Variants in GPC6 observed in about 807,000 individuals in gnomAD.
GPC6 encodes glypican-6.
A neutral mutation model predicts 55.2 loss-of-function variants in GPC6; 14 were observed. That is an observed-to-expected ratio of 0.25 (90% CI 0.17 to 0.40). GPC6 has a LOEUF of 0.40. Ranked by LOEUF, GPC6 falls within the 10% of genes least tolerant of loss-of-function variation. The pLI, the probability that GPC6 is intolerant of heterozygous loss-of-function variation, is 1.00. For missense variants in GPC6, 641 were observed against 708.5 expected, an observed-to-expected ratio of 0.90 and a Z score of 1.08; for synonymous variants, 278 against 259.6, an observed-to-expected ratio of 1.07 and a Z score of -0.68.
Position 93,436,027 on chromosome 13 carries a change from C to G in GPC6, c.161-109236C>G, listed in dbSNP as rs531346600. ...CCTGGAAGATCCTAGCCCATACGTTCTGCCATGATGTACATAGTGTTGCTT... is the reference window on the plus strand; with the variant it reads ...CCTGGAAGATCCTAGCCCATACGTTGTGCCATGATGTACATAGTGTTGCTT... On this transcript the variant is annotated intron_variant, in intron 1 of 8. Coordinates refer to ENST00000377047, the MANE Select transcript of GPC6 (RefSeq NM_005708.5). Among the ~76,000 whole-genome samples, 5 of 152,298 alleles carry G rather than the reference C, an allele frequency of 3.3e-5. No homozygotes were observed. The South Asian group carries it at 1.0e-3, about 32-fold the overall frequency.
intron 6 of GPC6, among the ~76,000 whole-genome samples, chr13:94,380,716 C>T (rs1373931506): frequency 6.6e-6 from 1 of 152,144 alleles, no homozygotes; most frequent in Non-Finnish European, 1.5e-5. Context: ...GGAAATTTAA[C>T]ACTACATAAT....
intron 2 of GPC6, among the ~76,000 whole-genome samples, chr13:93,549,382 G>GTT (rs1284523830): frequency 1.3e-5 from 2 of 152,200 alleles, no homozygotes; most frequent in African/African-American, 4.8e-5. Context: ...TGGCTACCAA[G>GTT]TAGCTCACGT....
chr13:94,372,873 G>C (rs1276494206), intron 6 of GPC6, among the ~76,000 whole-genome samples: 2 of 152,170 alleles, frequency 1.3e-5, no homozygotes, highest in Non-Finnish European at 2.9e-5. Context: ...ATCTGAGAAT[G>C]GGCAGACTGC....
At chr13:93,820,739 T>A (rs1887017453) in intron 2 of GPC6, among the ~76,000 whole-genome samples, 1 of 152,022 alleles carries the variant, frequency 6.6e-6, no homozygotes, top group African/African-American at 2.4e-5. Context: ...GTGAGATTTT[T>A]TTAAGTCTCC....
chr13:93,756,258 T>G (rs1262401994), intron 2 of GPC6, among the ~76,000 whole-genome samples: 1 of 152,122 alleles, frequency 6.6e-6, no homozygotes, highest in Admixed American at 6.6e-5. Flanking sequence ...TTCAGAATGT[T>G]TGGCACCCTG....
chr13:93,956,173 T>C (rs1879499213), intron 3 of GPC6, among the ~76,000 whole-genome samples: 1 of 152,038 alleles, frequency 6.6e-6, no homozygotes, highest in African/African-American at 2.4e-5. Flanking sequence ...CCCCACCCTT[T>C]TTCTTCTCTC....
At chr13:93,388,106 A>G (rs1431618404) in intron 1 of GPC6, among the ~76,000 whole-genome samples, 1 of 152,162 alleles carries the variant, frequency 6.6e-6, no homozygotes, top group East Asian at 1.9e-4. Context: ...TTTAGAGATG[A>G]TGAAACTGAA....
At chr13:94,056,694 G>A (rs1488871041) in intron 4 of GPC6, among the ~76,000 whole-genome samples, 1 of 152,110 alleles carries the variant, frequency 6.6e-6, no homozygotes, top group Non-Finnish European at 1.5e-5. Flanking sequence ...TTTAATTACT[G>A]AAAAATTCAG....
At chr13:93,489,880 G>T (rs1258729283) in intron 1 of GPC6, among the ~76,000 whole-genome samples, 3 of 151,504 alleles carry the variant, frequency 2.0e-5, no homozygotes, top group Non-Finnish European at 2.9e-5. Flanking sequence ...GAGATGATGG[G>T]GTTTTCTAAA....
At chr13:93,867,819 A>G (rs1426280503) in intron 3 of GPC6, among the ~76,000 whole-genome samples, 1 of 151,764 alleles carries the variant, frequency 6.6e-6, no homozygotes, top group African/African-American at 2.4e-5. Flanking sequence ...AGCTTAAATC[A>G]TCAACATTTC....
chr13:94,051,227 G>C (rs76805432), intron 4 of GPC6, among the ~76,000 whole-genome samples: 5 of 152,044 alleles, frequency 3.3e-5, no homozygotes, highest in Admixed American at 6.6e-5. Context: ...CTTGCTTCTG[G>C]TGGGCTAATA....
At chr13:94,111,975 A>G (rs191075881) in intron 4 of GPC6, among the ~76,000 whole-genome samples, 176 of 152,288 alleles carry the variant, frequency 1.2e-3, no homozygotes, top group Middle Eastern at 3.4e-3. Flanking sequence ...TAACATAACC[A>G]TGATCTCCAG....
rs559918179 is a variant in GPC6 at position 94,200,090 on chromosome 13, A to T, written c.878-86259A>T. Among the ~76,000 whole-genome samples, 4 of 148,882 alleles carry T rather than the reference A, an allele frequency of 2.7e-5. No individual in the cohort carries two copies. The East Asian group carries it at 8.6e-4, about 32-fold the overall frequency. On this transcript the variant is annotated intron_variant, in intron 4 of 8. Transcript: ENST00000377047. ...AGAATCACTTGAACCCTGGAGGCAG[A>T]GGTTACAGTGAGCTGAGATTGCACC...
intron 4 of GPC6, among the ~76,000 whole-genome samples, chr13:94,142,582 T>C (rs72645947): frequency 0.18 from 27,645 of 152,130 alleles, 2,822 homozygotes; most frequent in Non-Finnish European, 0.23. Flanking sequence ...AGAAGAGAAC[T>C]TTTTAGCTAA....
At chr13:93,308,535 G>A (rs1878955144) in intron 1 of GPC6, among the ~76,000 whole-genome samples, 1 of 152,178 alleles carries the variant, frequency 6.6e-6, no homozygotes, top group South Asian at 2.1e-4. Context: ...TCTGGTTTCT[G>A]GGTTCAAGCA....
intron 2 of GPC6, among the ~76,000 whole-genome samples, chr13:93,789,598 CATATATATATATATATATATAT>C (rs755185604): frequency 0.06 from 4,081 of 67,672 alleles, 359 homozygotes; most frequent in East Asian, 0.2. Flanking sequence ...TATAATACTA[CATATATATATATATATATATAT>C]ATATATATAT....
chr13:93,453,229 T>G (rs1233423919), intron 1 of GPC6, among the ~76,000 whole-genome samples: 1 of 152,226 alleles, frequency 6.6e-6, no homozygotes, highest in African/African-American at 2.4e-5. Flanking sequence ...ATCTGCTTTC[T>G]CTAATTCTAA....
chr13:93,552,811 T>G (rs1249045424), intron 2 of GPC6, among the ~76,000 whole-genome samples: 1 of 152,252 alleles, frequency 6.6e-6, no homozygotes, highest in Non-Finnish European at 1.5e-5. Flanking sequence ...TGAATGTTAA[T>G]GAGCAGACAA....
At chr13:93,774,874 G>A (rs1164617886) in intron 2 of GPC6, among the ~76,000 whole-genome samples, 1 of 152,078 alleles carries the variant, frequency 6.6e-6, no homozygotes, top group African/African-American at 2.4e-5. Context: ...AAGCAGACAG[G>A]GCATGAGGAG....
Sources: gnomAD v4.1 joint callset for allele counts (sites outside exome capture counted in the v4.1 genomes callset) on GRCh38, gnomAD v4.1.1 for gene constraint, MANE v1.5 for transcripts, NCBI Gene and HGNC (gene_info 2026-07-23, HGNC 2026-07-21) for gene names.